SLC67A2: variants seen among roughly 807,000 people sequenced by gnomAD.
SLC67A2 encodes the protein solute carrier family 67 member A2.
the SLC67A2 span, chr2:102,719,184 T>C: frequency 6.2e-7 from 1 of 1,613,218 alleles, no homozygotes; most frequent in Non-Finnish European, 8.5e-7. Context: ...TTTGCTTCCC[T>C]CCATGGAAAG....
the SLC67A2 span, chr2:102,726,860 C>T: frequency 3.1e-6 from 5 of 1,604,168 alleles, no homozygotes; most frequent in African/African-American, 1.4e-5. Context: ...GGGACTCTAG[C>T]CAGGACAAAC....
At chr2:102,723,229 G>T in the SLC67A2 span, among the ~76,000 whole-genome samples, 1 of 152,232 alleles carries the variant, frequency 6.6e-6, no homozygotes, top group Admixed American at 6.5e-5. Flanking sequence ...CCAGCACTTT[G>T]GGAGGCAGAG....
the SLC67A2 span, chr2:102,732,262 T>A: frequency 7.4e-7 from 1 of 1,342,900 alleles, no homozygotes; most frequent in Non-Finnish European, 1.1e-6. Context: ...TGTTTTCAGG[T>A]ACTTGGTTCA....
the SLC67A2 span, chr2:102,715,929 T>C: frequency 6.6e-6 from 1 of 152,170 alleles, no homozygotes; most frequent in Non-Finnish European, 1.5e-5. Context: ...CAAAGTTTGC[T>C]GTGCAAAAAA....
the SLC67A2 span, among the ~76,000 whole-genome samples, chr2:102,720,942 G>T: frequency 1.3e-5 from 2 of 152,192 alleles, no homozygotes; most frequent in Non-Finnish European, 2.9e-5. Flanking sequence ...AATGGCCAAA[G>T]CCCTGGGTGG....
the SLC67A2 span, among the ~76,000 whole-genome samples, chr2:102,720,141 C>T: frequency 1.3e-5 from 2 of 152,138 alleles, no homozygotes; most frequent in African/African-American, 4.8e-5. Flanking sequence ...TGCTAAAGAG[C>T]ACTTAAAAGT....
chr2:102,719,051 T>G, the SLC67A2 span: 1 of 1,614,238 alleles, frequency 6.2e-7, no homozygotes, highest in South Asian at 1.1e-5. Context: ...GACCCAGGGC[T>G]GGGCAGTCTT....
the SLC67A2 span, among the ~76,000 whole-genome samples, chr2:102,735,902 C>T: frequency 6.6e-6 from 1 of 152,132 alleles, no homozygotes; most frequent in East Asian, 1.9e-4. Flanking sequence ...GCAATGCACA[C>T]CCTTTGTCCA....
chr2:102,724,384 A>C, the SLC67A2 span, among the ~76,000 whole-genome samples: 7 of 152,320 alleles, frequency 4.6e-5, 1 homozygote, highest in African/African-American at 1.7e-4. Context: ...TGGGGAGAGG[A>C]CAAGGAGTGA....
chr2:102,721,225 A>C, the SLC67A2 span, among the ~76,000 whole-genome samples: 1 of 152,224 alleles, frequency 6.6e-6, no homozygotes, highest in Non-Finnish European at 1.5e-5. Flanking sequence ...CTGACTTTCA[A>C]TTTTGAGTGA....
chr2:102,714,903 A>G, the SLC67A2 span, among the ~76,000 whole-genome samples: 1 of 152,202 alleles, frequency 6.6e-6, no homozygotes, highest in East Asian at 1.9e-4. Context: ...CCAAATGCCT[A>G]AAATTTTCTG....
At chr2:102,725,750 A>G in the SLC67A2 span, among the ~76,000 whole-genome samples, 1 of 152,236 alleles carries the variant, frequency 6.6e-6, no homozygotes, top group South Asian at 2.1e-4. Context: ...TAAATGAAAA[A>G]AGTATATATT....
the SLC67A2 span, chr2:102,717,881 A>G: frequency 6.5e-6 from 1 of 154,002 alleles, no homozygotes. Flanking sequence ...AGCAGCTTTG[A>G]AAAGCGACAG....
At chr2:102,724,105 C>T in the SLC67A2 span, among the ~76,000 whole-genome samples, 1 of 152,094 alleles carries the variant, frequency 6.6e-6, no homozygotes. Flanking sequence ...CGGTTCCATC[C>T]CACCGTAATT....
the SLC67A2 span, among the ~76,000 whole-genome samples, chr2:102,735,185 A>G: frequency 1.3e-5 from 2 of 152,062 alleles, no homozygotes; most frequent in Non-Finnish European, 2.9e-5. Flanking sequence ...AATAGTGGTC[A>G]GAAGGAGTGC....
the SLC67A2 span, among the ~76,000 whole-genome samples, chr2:102,733,143 G>A: frequency 1.3e-5 from 2 of 152,170 alleles, no homozygotes; most frequent in African/African-American, 4.8e-5. Context: ...TCAGTTCTGG[G>A]GATAAGGACA....
At chr2:102,736,676 G>A in the SLC67A2 span, 1 of 1,613,718 alleles carries the variant, frequency 6.2e-7, no homozygotes. Context: ...GACAGAGCAG[G>A]AAGCGGCGGG....
the SLC67A2 span, among the ~76,000 whole-genome samples, chr2:102,725,751 A>G: frequency 6.6e-6 from 1 of 152,220 alleles, no homozygotes; most frequent in Non-Finnish European, 1.5e-5. Flanking sequence ...AAATGAAAAA[A>G]GTATATATTC....
the SLC67A2 span, among the ~76,000 whole-genome samples, chr2:102,735,846 GCACACA>G: frequency 9.4e-5 from 14 of 149,594 alleles, no homozygotes; most frequent in African/African-American, 3.5e-4. Context: ...ACGCGCGCGC[GCACACA>G]CACACACACA....
Sources: allele counts gnomAD v4.1 joint callset (sites outside exome capture counted in the v4.1 genomes callset), GRCh38; gene constraint gnomAD v4.1.1; transcripts MANE v1.5; gene names NCBI Gene and HGNC (gene_info 2026-07-23, HGNC 2026-07-21).